MFGE8: variants seen among roughly 807,000 people sequenced by gnomAD.
The protein encoded by MFGE8 is lactadherin.
MFGE8 carries 34 observed loss-of-function variants against 42.6 expected under a neutral mutation model. The observed-to-expected ratio is 0.80, with a 90% CI of 0.61 to 1.06. MFGE8 has a LOEUF of 1.06. Ranked by LOEUF, MFGE8 falls within the 50% of genes least tolerant of loss-of-function variation. MFGE8 has a pLI of 0.00. For synonymous variants in MFGE8, 230 were observed against 214.8 expected (o/e 1.07, Z -0.62); for missense variants, 510 against 516.9 (o/e 0.99, Z 0.13).
At chr15:88,901,422 AAAAC>A (rs1016408081) in intron 6 of MFGE8, 125 bp downstream of exon 6, 45 of 903,290 alleles carry the variant, frequency 5.0e-5, no homozygotes, top group African/African-American at 4.2e-4. Flanking sequence ...AAGCCGAAGA[AAAAC>A]AAGGCTTTTC....
At position 88,905,815 on chromosome 15, in the gene MFGE8, G is replaced by A. The variant is rs1349627948; in HGVS notation, c.627C>T (p.Pro209=). 2 of 1,614,188 alleles carry A rather than the reference G, an allele frequency of 1.2e-6. No homozygotes were observed. Among genetic ancestry groups the A allele is most frequent in the Non-Finnish European group, 1.7e-6 (2 of 1,180,042 alleles). ...PVEAQYVRLY[P]TSCHTACTLR... ...GAGTGCAGGCCGTGTGGCAGCTCGT[G>A]GGGTACAATCTCACGTACTGAGCCT... The change falls in exon 5 of 8, where the codon CCC becomes CCT. Residue 209 remains proline (P), a synonymous_variant. Coordinates refer to ENST00000268150, the MANE Select transcript of MFGE8 (RefSeq NM_005928.4). This position sits in a 1 kb window ranked among gnomAD's most constrained non-coding sequence, Gnocchi z 6.6.
chr15:88,911,974 G>A (rs1380470483), intron 1 of MFGE8: 5 of 492,524 alleles, frequency 1.0e-5, no homozygotes, highest in South Asian at 3.6e-5. Context: ...CCTGGCAGGC[G>A]GGGGCGAGCA....
At chr15:88,908,150 C>T (rs1898787346) in intron 2 of MFGE8, among the ~76,000 whole-genome samples, 2 of 152,184 alleles carry the variant, frequency 1.3e-5, no homozygotes, top group South Asian at 4.1e-4. Context: ...AGGACAGCTA[C>T]CAGGCCCACC....
Position 88,899,778 on chromosome 15 carries a change from T to C in MFGE8, c.904A>G (p.Ile302Val). 6.2e-7 allele frequency: 1 copy of C among 1,614,060 alleles called. No individual in the cohort carries two copies. The highest frequency in any genetic ancestry group is 2.2e-5 in the East Asian group (1 of 44,876). ...AAGTTACGGGCCCCCTGGGTGATGA[T>C]GCCTGTCACCTCCTTCGAGGAGCCC... Reference protein sequence around the residue: ...DLGSSKEVTGIITQGARNFGS... With the variant: ...DLGSSKEVTGVITQGARNFGS... The change falls in exon 7 of 8, where the codon ATC becomes GTC. Residue 302 changes from isoleucine (I) to valine (V), a missense_variant. Coordinates refer to ENST00000268150, the MANE Select transcript of MFGE8 (RefSeq NM_005928.4). The surrounding 1 kb of genome is among the most constrained non-coding windows in gnomAD (Gnocchi z 6.8).
Position 88,899,650 on chromosome 15 carries a change from AC to A in MFGE8, c.1026+5del, listed in dbSNP as rs756620225. On this transcript the variant is annotated splice_donor_5th_base_variant and intron_variant, in intron 7 of 7. Transcript: ENST00000268150. The surrounding 1 kb of genome is among the most constrained non-coding windows in gnomAD (Gnocchi z 6.8). ...GCAAAGGGTGGGCAGCTGGACAGAC[AC>A]CCACCTTACTGCTGCCAGTCCTGGG... 485 of 1,614,026 alleles carry A rather than the reference AC, an allele frequency of 3.0e-4. No individual in the cohort carries two copies. The highest frequency in any genetic ancestry group is 3.9e-4 in the Non-Finnish European group (460 of 1,179,964).
At chr15:88,901,069 ACATT>A (rs1219340876) in intron 6 of MFGE8, among the ~76,000 whole-genome samples, 57 of 124,962 alleles carry the variant, frequency 4.6e-4, no homozygotes, top group Admixed American at 1.1e-3. Flanking sequence ...ATTCACATAC[ACATT>A]CACATACACA....
At chr15:88,911,705 C>A (rs367643799) in intron 1 of MFGE8, among the ~76,000 whole-genome samples, 1 of 150,734 alleles carries the variant, frequency 6.6e-6, no homozygotes, top group East Asian at 1.9e-4. Context: ...CCAGCCTGGG[C>A]GACACAGCAA....
At chr15:88,904,401 GA>G in intron 5 of MFGE8, 1 of 152,410 alleles carries the variant, frequency 6.6e-6, no homozygotes, top group Non-Finnish European at 1.5e-5. Context: ...CAGCCGACTG[GA>G]AGGCCTATAG....
intron 6 of MFGE8, chr15:88,900,664 C>T: frequency 1.0e-6 from 1 of 976,550 alleles, no homozygotes; most frequent in Non-Finnish European, 1.2e-6. Context: ...CACTGCCAGC[C>T]AGCAGGTGGG....
At chr15:88,901,152 C>T (rs1465106874) in intron 6 of MFGE8, among the ~76,000 whole-genome samples, 1 of 59,258 alleles carries the variant, frequency 1.7e-5, no homozygotes, top group African/African-American at 4.5e-5. Context: ...CACACATTCT[C>T]ACACACACAT....
intron 6 of MFGE8, among the ~76,000 whole-genome samples, 196 bp from the exon 7 acceptor site, chr15:88,900,007 G>A (rs948049051): frequency 6.6e-6 from 1 of 152,158 alleles, no homozygotes; most frequent in Non-Finnish European, 1.5e-5. Flanking sequence ...GGAGAGACTT[G>A]AGGCAGGTGG....
At chr15:88,907,146 A>T in intron 3 of MFGE8, 49 bp downstream of exon 3, 1 of 1,576,390 alleles carries the variant, frequency 6.3e-7, no homozygotes, top group East Asian at 2.3e-5. Context: ...AGAAACATTC[A>T]TCGAGCCTTC....
chr15:88,912,315 CG>C (rs1899002984), intron 1 of MFGE8: 1 of 1,272,164 alleles, frequency 7.9e-7, no homozygotes, highest in Admixed American at 2.4e-5. Context: ...TCATGGTGGC[CG>C]GGGAGGGCCA....
rs1898262582 is a variant in MFGE8 at position 88,899,554 on chromosome 15, G to A, written c.1027-22C>T. ...AGATCTAGAGGCAGAGCGGGTGTCA[G>A]GAGGACCCCGAGCCAGCCCCCCTCC... On this transcript the variant is annotated intron_variant, in intron 7 of 7. Coordinates refer to ENST00000268150, the MANE Select transcript of MFGE8 (RefSeq NM_005928.4). The surrounding 1 kb of genome is among the most constrained non-coding windows in gnomAD (Gnocchi z 6.8). 6.2e-7 allele frequency: 1 copy of A among 1,614,038 alleles called. No homozygotes were observed. Among genetic ancestry groups the A allele is most frequent in the Non-Finnish European group, 8.5e-7 (1 of 1,180,022 alleles).
In MFGE8 at chr15:88,907,294, C is replaced by G. The variant is rs764588832; in HGVS notation, c.288G>C (p.Leu96Phe). The G allele has an allele frequency of 1.9e-6, 3 of 1,614,076 alleles. No homozygotes were observed. Among genetic ancestry groups the G allele is most frequent in the East Asian group, 2.2e-5 (1 of 44,886 alleles). Residue 96 changes from leucine (L) to phenylalanine (F), a missense_variant, in exon 3 of 8, where the codon TTG becomes TTC. By Grantham distance (22) the Leu-to-Phe change is conservative. Transcript: ENST00000268150. Reference sequence around the variant, plus strand: ...GCTCCGGGACCCAATGCTGCAAACCCAAGAAGGTCACACGCACAGACGAGG... The same window carrying G: ...GCTCCGGGACCCAATGCTGCAAACCGAAGAAGGTCACACGCACAGACGAGG... ...IAASSVRVTF[L>F]GLQHWVPELA...
At chr15:88,904,350 C>T (rs1898567818) in intron 5 of MFGE8, 1 of 150,908 alleles carries the variant, frequency 6.6e-6, no homozygotes, top group Non-Finnish European at 1.5e-5. Flanking sequence ...CACCCACACA[C>T]ATGCACACGT....
chr15:88,904,445 G>T (rs1898573138), intron 5 of MFGE8: 1 of 152,222 alleles, frequency 6.6e-6, no homozygotes, highest in Non-Finnish European at 1.5e-5. Flanking sequence ...GAAGGAAGCA[G>T]ACAGGGTACC....
At chr15:88,909,953 A>G (rs72749922) in intron 1 of MFGE8, 30 bp from the exon 2 acceptor site, 80,462 of 1,613,156 alleles carry the variant, frequency 0.05, 2,248 homozygotes, top group Middle Eastern at 0.073. Flanking sequence ...AGATGAGCAG[A>G]TGATCAGGAA....
rs1426260495 is a variant in MFGE8 at position 88,901,657 on chromosome 15, C to T, written c.764G>A (p.Trp255Ter). 14 of 1,613,938 alleles carry T rather than the reference C, an allele frequency of 8.7e-6. No individual in the cohort carries two copies. The highest frequency in any genetic ancestry group is 1.2e-5 in the Non-Finnish European group (14 of 1,180,012). ...QITASSSYKT[W>*]GLHLFSWNPS... ...GTTCCAGCTGAAGAGATGCAAGCCC[C>T]AGGTCTTGTAGCTGCTGGAGGCCGT... The change falls in exon 6 of 8, where the codon TGG becomes TAG. Residue 255 changes from tryptophan (W) to a stop codon, truncating the protein, a stop_gained. Coordinates refer to ENST00000268150, the MANE Select transcript of MFGE8 (RefSeq NM_005928.4). LOFTEE classifies it high-confidence loss of function.
Sources: gnomAD v4.1 joint callset for allele counts (sites outside exome capture counted in the v4.1 genomes callset) on GRCh38, gnomAD v4.1.1 for gene constraint, Gnocchi (gnomAD v3.1) non-coding constraint, MANE v1.5 for transcripts, NCBI Gene and HGNC (gene_info 2026-07-23, HGNC 2026-07-21) for gene names.